COL5A1: variants seen among roughly 807,000 people sequenced by gnomAD.
The protein encoded by COL5A1 is collagen type V alpha 1 chain.
In COL5A1, 16 loss-of-function variants were observed where a neutral mutation model predicts 263.7. The observed-to-expected ratio is 0.06, with a 90% CI of 0.04 to 0.09. The LOEUF (loss-of-function observed/expected upper bound fraction) is 0.09, where lower values mean the gene tolerates loss of function less well. Among genes scored for constraint, COL5A1 ranks in the 10% least tolerant of loss-of-function variants. COL5A1 has a pLI of 1.00. For synonymous variants in COL5A1, 1,012 were observed against 1,004.5 expected (o/e 1.01, Z -0.14); for missense variants, 2,036 against 2,540.5 (o/e 0.80, Z 4.27).
intron 11 of COL5A1, among the ~76,000 whole-genome samples, chr9:134,749,946 C>T (rs560107316): frequency 2.0e-5 from 3 of 152,322 alleles, no homozygotes; most frequent in South Asian, 2.1e-4. Context: ...GTTGGCTGGG[C>T]GTGAGGAGGG....
At position 134,642,265 on chromosome 9, in the gene COL5A1, GC is replaced by G; in HGVS notation, c.79del (p.Leu27CysfsTer17). On this transcript the variant is annotated frameshift_variant, in exon 1 of 66. Transcript: ENST00000371817. LOFTEE classifies it high-confidence loss of function. The surrounding 1 kb of genome is among the most constrained non-coding windows in gnomAD (Gnocchi z 4.5). ...CGCTGCTGCCCCCGCTGCTGCTGCT[GC>G]TGCTGTGGGCGCCGCCTCCGAGCCG... The part of the protein sequence containing the change: ...APLLPPLLLL[L>X]LWAPPPSRAA... The G allele has an allele frequency of 8.2e-7, 1 of 1,220,514 alleles. No homozygotes were observed. The highest frequency in any genetic ancestry group is 1.0e-6 in the Non-Finnish European group (1 of 973,918). The allele number at this position is 1,220,514 out of a possible 1,614,324, so 75.6% of individuals were successfully genotyped here.
At chr9:134,711,624 A>T (rs1031044969) in intron 4 of COL5A1, among the ~76,000 whole-genome samples, 1 of 152,104 alleles carries the variant, frequency 6.6e-6, no homozygotes, top group African/African-American at 2.4e-5. Context: ...ACCTGCCCAC[A>T]GTCACACAGC....
intron 1 of COL5A1, among the ~76,000 whole-genome samples, chr9:134,648,613 A>G (rs1277226527): frequency 6.6e-6 from 1 of 152,166 alleles, no homozygotes; most frequent in East Asian, 1.9e-4. Flanking sequence ...TTACTCATAT[A>G]AAGCACAGAG....
chr9:134,683,373 C>T (rs1297369928), intron 1 of COL5A1, among the ~76,000 whole-genome samples: 1 of 152,162 alleles, frequency 6.6e-6, no homozygotes, highest in Non-Finnish European at 1.5e-5. Context: ...GGGAGGAGGG[C>T]CAGGCCAGGG....
chr9:134,650,797 C>A (rs1340546971), intron 1 of COL5A1, among the ~76,000 whole-genome samples: 3 of 152,278 alleles, frequency 2.0e-5, no homozygotes, highest in African/African-American at 7.2e-5. Flanking sequence ...TTACACTGGA[C>A]CCTGCTCTGA....
In COL5A1 at chr9:134,801,979, C is replaced by T; in HGVS notation, c.2978C>T (p.Pro993Leu). ...ETGFQGKTGP[P>L]GPPGVVGPQG... is the part of the protein sequence containing the mutation. ...GGTTTCCAAGGCAAGACCGGCCCTC[C>T]AGGCCCCCCCGGCGTGGTCGGCCCT... The change falls in exon 38 of 66, where the codon CCA becomes CTA. Residue 993 changes from proline to leucine, a missense_variant. Pro to Leu is a moderately conservative substitution (Grantham distance 98). Coordinates refer to ENST00000371817, the MANE Select transcript of COL5A1 (RefSeq NM_000093.5). 6.2e-7 allele frequency: 1 copy of T among 1,613,444 alleles called. No homozygotes were observed. The highest frequency in any genetic ancestry group is 8.5e-7 in the Non-Finnish European group (1 of 1,180,026).
At chr9:134,839,412 A>G (rs748007932) in intron 65 of COL5A1, among the ~76,000 whole-genome samples, 5 of 152,172 alleles carry the variant, frequency 3.3e-5, no homozygotes, top group Non-Finnish European at 7.4e-5. Flanking sequence ...ATCCCATGAA[A>G]TCACCCGACA....
At chr9:134,762,048 A>G (rs1277714472) in intron 19 of COL5A1, 70 bp downstream of exon 19, 2 of 1,528,854 alleles carry the variant, frequency 1.3e-6, no homozygotes, top group Non-Finnish European at 1.8e-6. Context: ...CAGGAAAACC[A>G]CAGAAGAGAG....
intron 1 of COL5A1, among the ~76,000 whole-genome samples, chr9:134,646,717 C>A (rs111347764): frequency 6.6e-6 from 1 of 152,180 alleles, no homozygotes; most frequent in Admixed American, 6.5e-5. Context: ...AGCTCCACAG[C>A]TGTGGATTAG....
Position 134,841,461 on chromosome 9 carries a change from T to C in COL5A1, c.5371-696T>C, listed in dbSNP as rs1185036019. Among the ~76,000 whole-genome samples, 3 of 152,108 alleles carry C rather than the reference T, an allele frequency of 2.0e-5. No homozygotes were observed. The highest frequency in any genetic ancestry group is 7.2e-5 in the African/African-American group (3 of 41,420). On this transcript the variant is annotated intron_variant, in intron 65 of 65. Transcript: ENST00000371817. This position sits in a 1 kb window ranked among gnomAD's most constrained non-coding sequence, Gnocchi z 4.8. ...TCCCACATCCCAGCGCCCAGGGTTG[T>C]GCTGTTTTGAGCAAGGGATGGGTGC...
At chr9:134,672,001 A>T (rs188641137) in intron 1 of COL5A1, among the ~76,000 whole-genome samples, 1 of 152,350 alleles carries the variant, frequency 6.6e-6, no homozygotes, top group African/African-American at 2.4e-5. Context: ...GCCCACTTCA[A>T]ATGTCACACT....
chr9:134,718,067 G>C (rs544921420), intron 4 of COL5A1, among the ~76,000 whole-genome samples: 1 of 152,348 alleles, frequency 6.6e-6, no homozygotes, highest in African/African-American at 2.4e-5. Flanking sequence ...CGTCTCCATG[G>C]CTCCAGGCTT....
chr9:134,774,487 T>C (rs757649975), intron 26 of COL5A1, among the ~76,000 whole-genome samples: 10 of 152,214 alleles, frequency 6.6e-5, no homozygotes, highest in Non-Finnish European at 1.5e-4. Context: ...GCTCTCCTGA[T>C]TTATTCCAAG....
chr9:134,773,033 C>G (rs914276351), intron 26 of COL5A1, among the ~76,000 whole-genome samples, 199 bp downstream of exon 26: 1 of 150,702 alleles, frequency 6.6e-6, no homozygotes, highest in African/African-American at 2.4e-5. Flanking sequence ...GGGCACCCCT[C>G]TCTGGGTCAG....
rs990752901 is a variant in COL5A1 at position 134,795,755 on chromosome 9, C to T, written c.2799+440C>T. ...CCGGCCTCATGCACATTCTTCCCACCGAGGGGCATTGAAGCCACTCCTTGG... is the reference window on the plus strand; with the variant it reads ...CCGGCCTCATGCACATTCTTCCCACTGAGGGGCATTGAAGCCACTCCTTGG... On this transcript the variant is annotated intron_variant, in intron 34 of 65. Coordinates refer to ENST00000371817, the MANE Select transcript of COL5A1 (RefSeq NM_000093.5). Among the ~76,000 whole-genome samples, 8 of 152,382 alleles carry T rather than the reference C, an allele frequency of 5.2e-5. No individual in the cohort carries two copies. In the South Asian group the frequency reaches 8.3e-4, roughly 16 times the overall value.
intron 1 of COL5A1, among the ~76,000 whole-genome samples, chr9:134,668,921 G>C: frequency 7.0e-6 from 1 of 142,968 alleles, no homozygotes; most frequent in Admixed American, 7.0e-5. Flanking sequence ...CCATCCTTCT[G>C]CCCATCCAAT....
chr9:134,827,798 G>T (rs1180454127), intron 63 of COL5A1, among the ~76,000 whole-genome samples: 1 of 152,252 alleles, frequency 6.6e-6, no homozygotes, highest in Non-Finnish European at 1.5e-5. Context: ...TCACAGCAGA[G>T]GCTGGGGGAG....
At chr9:134,782,061 G>A (rs1837275068) in intron 28 of COL5A1, among the ~76,000 whole-genome samples, 1 of 152,210 alleles carries the variant, frequency 6.6e-6, no homozygotes, top group African/African-American at 2.4e-5. Flanking sequence ...GATGGGGAAC[G>A]TCTAGACCAG....
rs996937084 is a variant in COL5A1 at position 134,682,224 on chromosome 9, C to T, written c.110-8688C>T. Among the ~76,000 whole-genome samples the T allele has an allele frequency of 5.3e-5, 8 of 152,192 alleles. No homozygotes were observed. Among genetic ancestry groups the T allele is most frequent in the Non-Finnish European group, 1.0e-4 (7 of 68,032 alleles). The stretch of plus-strand genomic sequence containing the variant: ...GGGCTGGACTGGGTGTCCCCAGAGC[C>T]GACAGCACTATTCGGCTGGGTGCCA... On this transcript the variant is annotated intron_variant, in intron 1 of 65. Coordinates refer to ENST00000371817, the MANE Select transcript of COL5A1 (RefSeq NM_000093.5). The surrounding 1 kb of genome is among the most constrained non-coding windows in gnomAD (Gnocchi z 5.1).
Sources: gnomAD v4.1 joint callset for allele counts (sites outside exome capture counted in the v4.1 genomes callset) on GRCh38, gnomAD v4.1.1 for gene constraint, Gnocchi (gnomAD v3.1) non-coding constraint, MANE v1.5 for transcripts, NCBI Gene and HGNC (gene_info 2026-07-23, HGNC 2026-07-21) for gene names.